Variants in MFAP1 observed in about 807,000 individuals in gnomAD.
MFAP1 encodes microfibril associated protein 1, also known as microfibrillar-associated protein 1.
In MFAP1, 18 loss-of-function variants were observed where a neutral mutation model predicts 62.2. The ratio of observed to expected loss-of-function variants is 0.29; its 90% CI spans 0.20 to 0.43. The LOEUF (loss-of-function observed/expected upper bound fraction) is 0.43, where lower values mean the gene tolerates loss of function less well. MFAP1 is among the 20% of genes least tolerant of loss of function. MFAP1 has a pLI of 1.00. For missense variants in MFAP1, 355 were observed against 559.7 expected, an observed-to-expected ratio of 0.63 and a Z score of 3.69; for synonymous variants, 175 against 180.4, an observed-to-expected ratio of 0.97 and a Z score of 0.24.
chr15:43,808,913 C>T (rs933688661), intron 7 of MFAP1, among the ~76,000 whole-genome samples: 1 of 152,194 alleles, frequency 6.6e-6, no homozygotes, highest in African/African-American at 2.4e-5. Context: ...TGATCTTAGT[C>T]TTTATATGAA....
chr15:43,824,685 A>G lies in MFAP1; in HGVS notation c.-116T>C. ...CTGAGTCCGCGAACACAGCTGCGCGACTGATAGAGAAACTACTTACGGCTG... is the reference window on the plus strand; with the variant it reads ...CTGAGTCCGCGAACACAGCTGCGCGGCTGATAGAGAAACTACTTACGGCTG... On this transcript the variant is annotated 5_prime_UTR_variant, in exon 1 of 9. Transcript: ENST00000267812. 1 of 1,016,428 alleles carries G rather than the reference A, an allele frequency of 9.8e-7. No homozygotes were observed. Among genetic ancestry groups the G allele is most frequent in the Non-Finnish European group, 1.5e-6 (1 of 659,478 alleles). 63.0% of individuals were successfully genotyped at this position (1,016,428 alleles called of 1,614,324 possible).
At chr15:43,805,345 T>G in intron 8 of MFAP1, 31 bp downstream of exon 8, 1 of 1,604,672 alleles carries the variant, frequency 6.2e-7, no homozygotes. Context: ...TACATCACTT[T>G]TCTCTGTCAT....
chr15:43,814,401 C>T (rs895844821), intron 4 of MFAP1, 100 bp downstream of exon 4: 33 of 1,347,426 alleles, frequency 2.4e-5, no homozygotes, highest in Middle Eastern at 1.9e-4. Context: ...TTTCACTCAG[C>T]GTTTAGATTT....
intron 1 of MFAP1, among the ~76,000 whole-genome samples, chr15:43,821,670 ATT>A (rs1364674927): frequency 2.0e-5 from 3 of 152,216 alleles, no homozygotes; most frequent in Non-Finnish European, 4.4e-5. Flanking sequence ...AGACACAAAA[ATT>A]CCAGATGGAT....
At chr15:43,821,425 TGAA>T (rs923343019) in intron 1 of MFAP1, among the ~76,000 whole-genome samples, 4 of 140,526 alleles carry the variant, frequency 2.8e-5, no homozygotes, top group African/African-American at 1.1e-4. Flanking sequence ...AAGACAATGC[TGAA>T]GAAGAATAAA....
At chr15:43,810,219 T>C in intron 6 of MFAP1, 1 of 266,518 alleles carries the variant, frequency 3.8e-6, no homozygotes, top group African/African-American at 2.2e-5. Flanking sequence ...CTTCTTAGCT[T>C]TAAAAAAAAA....
At chr15:43,819,585 C>G (rs1394885602) in intron 1 of MFAP1, among the ~76,000 whole-genome samples, 1 of 152,072 alleles carries the variant, frequency 6.6e-6, no homozygotes, top group Non-Finnish European at 1.5e-5. Flanking sequence ...GGCTGCAGTG[C>G]AGTGGCATGA....
intron 7 of MFAP1, among the ~76,000 whole-genome samples, chr15:43,806,419 T>C (rs1359150693): frequency 1.3e-5 from 2 of 152,220 alleles, no homozygotes; most frequent in African/African-American, 4.8e-5. Flanking sequence ...AACCTCTGTG[T>C]GCATTCAATC....
intron 4 of MFAP1, among the ~76,000 whole-genome samples, chr15:43,814,069 C>A (rs1011474379): frequency 5.3e-5 from 8 of 151,990 alleles, no homozygotes; most frequent in African/African-American, 1.7e-4. Context: ...GCCTGACCAA[C>A]ATGGAAAAAC....
At chr15:43,814,250 C>T (rs921186061) in intron 4 of MFAP1, among the ~76,000 whole-genome samples, 47 of 151,896 alleles carry the variant, frequency 3.1e-4, no homozygotes, top group African/African-American at 1.1e-3. Flanking sequence ...AACTCTGTCT[C>T]AAACAAACAA....
chr15:43,815,655 C>A (rs1405076167), intron 2 of MFAP1, among the ~76,000 whole-genome samples: 1 of 151,186 alleles, frequency 6.6e-6, no homozygotes, highest in Non-Finnish European at 1.5e-5. Context: ...TTTTTTGAGA[C>A]AGAATCTCAC....
rs369890153 is a variant in MFAP1, at chr15:43,804,928, A to G, written c.*166T>C. 3 of 707,422 alleles carry G rather than the reference A, an allele frequency of 4.2e-6. No homozygotes were observed. Among genetic ancestry groups the G allele is most frequent in the African/African-American group, 3.5e-5 (2 of 56,538 alleles). 43.8% of individuals were successfully genotyped at this position (707,422 alleles called of 1,614,324 possible). Reference sequence around the variant, plus strand: ...CTGTGGGTTTCTCAGCATGAGTCCAAACCTCACAAAGCACCTTCAAAGTCT... The same window carrying G: ...CTGTGGGTTTCTCAGCATGAGTCCAGACCTCACAAAGCACCTTCAAAGTCT... On this transcript the variant is annotated 3_prime_UTR_variant, in exon 9 of 9. Transcript: ENST00000267812.
chr15:43,823,105 G>A lies in MFAP1; in HGVS notation c.79+1386C>T, dbSNP rs137943382. On this transcript the variant is annotated intron_variant, in intron 1 of 8. Coordinates refer to ENST00000267812, the MANE Select transcript of MFAP1 (RefSeq NM_005926.3). ...ACCAGCCTCAGCCTCCCAAAGTGCT[G>A]GGATTACAGGCGTGAGCCACCGCGC... 7.7e-3 allele frequency among the ~76,000 whole-genome samples: 1,172 copies of A among 152,100 alleles called. 19 individuals carry two copies. The highest frequency in any genetic ancestry group is 0.027 in the African/African-American group (1,114 of 41,488).
At position 43,809,752 on chromosome 15, in the gene MFAP1, T is replaced by C. The variant is rs763191293; in HGVS notation, c.1047+3A>G. On this transcript the variant is annotated splice_donor_region_variant and intron_variant, in intron 7 of 8. Transcript: ENST00000267812. ...ATTTTCTGACTCTCTTTTCACTTCT[T>C]ACCATGAAGAAGGCACCCCGGTGAT... 1.2e-6 allele frequency: 2 copies of C among 1,613,406 alleles called. No individual in the cohort carries two copies. Among genetic ancestry groups the C allele is most frequent in the East Asian group, 4.5e-5 (2 of 44,866 alleles).
chr15:43,816,626 C>T (rs936220575), intron 2 of MFAP1, among the ~76,000 whole-genome samples: 1 of 152,156 alleles, frequency 6.6e-6, no homozygotes, highest in African/African-American at 2.4e-5. Context: ...TACTTAATAA[C>T]TAAAATAAAC....
chr15:43,815,850 T>A (rs1238380399), intron 2 of MFAP1, among the ~76,000 whole-genome samples: 16 of 152,092 alleles, frequency 1.1e-4, no homozygotes, highest in Non-Finnish European at 2.4e-4. Flanking sequence ...GCCAGGCTAG[T>A]CTTGAACTCC....
chr15:43,824,452 G>C (rs762132770), intron 1 of MFAP1, 39 bp downstream of exon 1: 8 of 1,607,440 alleles, frequency 5.0e-6, no homozygotes, highest in African/African-American at 4.0e-5. Context: ...GGCCGGAAGG[G>C]GTTAAAATTC....
chr15:43,818,447 A>C (rs2087448025), intron 1 of MFAP1, among the ~76,000 whole-genome samples: 1 of 152,056 alleles, frequency 6.6e-6, no homozygotes, highest in Admixed American at 6.6e-5. Context: ...TACAAACACA[A>C]ATACAAAAAT....
Position 43,813,287 on chromosome 15 carries a change from T to G in MFAP1, c.688A>C (p.Lys230Gln). Residue 230 changes from lysine (K) to glutamine (Q), a missense_variant, in exon 5 of 9, where the codon AAA becomes CAA. Lys to Gln is a moderately conservative substitution (Grantham distance 53). Around this residue, in one of 6 missense-constraint regions of MFAP1, gnomAD observed 257 missense variants for 341.3 expected, o/e 0.75. Transcript: ENST00000267812. ...TTGCGCCTTTCCTCAGCCATGCGTT[T>G]TGCTTCCTGCTCCAGCTCCTTCTGT... ...LKQKELEQEA[K>Q]RMAEERRKYT... 6.2e-7 allele frequency: 1 copy of G among 1,613,242 alleles called. No homozygotes were observed. Among genetic ancestry groups the G allele is most frequent in the Non-Finnish European group, 8.5e-7 (1 of 1,179,832 alleles).
Sources: gnomAD v4.1 joint callset for allele counts (sites outside exome capture counted in the v4.1 genomes callset) on GRCh38, gnomAD v4.1.1 for gene constraint, gnomAD v4.1.1 regional missense constraint, MANE v1.5 for transcripts, NCBI Gene and HGNC (gene_info 2026-07-23, HGNC 2026-07-21) for gene names.